The following PRKCQ variants were observed in gnomAD, a reference collection of about 807,000 sequenced individuals.
PRKCQ encodes protein kinase C theta.
PRKCQ carries 41 observed loss-of-function variants against 91.2 expected under a neutral mutation model. The observed-to-expected ratio is 0.45, with a 90% CI of 0.35 to 0.58. PRKCQ has a LOEUF of 0.58. Among genes scored for constraint, PRKCQ ranks in the 20% least tolerant of loss-of-function variants. The probability of loss-of-function intolerance (pLI) is 0.00; values close to 1 mark genes in which losing one functional copy is unlikely to be tolerated. For synonymous variants in PRKCQ, 307 were observed against 316.9 expected (o/e 0.97, Z 0.33); for missense variants, 673 against 896.5 (o/e 0.75, Z 3.18).
At chr10:6,518,478 C>T (rs1243891501) in intron 1 of PRKCQ, among the ~76,000 whole-genome samples, 1 of 152,028 alleles carries the variant, frequency 6.6e-6, no homozygotes, top group Non-Finnish European at 1.5e-5. Flanking sequence ...GAAAAATTAA[C>T]ATTTTAAGTC....
chr10:6,516,157 A>C (rs1001678086), intron 1 of PRKCQ, among the ~76,000 whole-genome samples: 1 of 152,222 alleles, frequency 6.6e-6, no homozygotes, highest in African/African-American at 2.4e-5. Context: ...AAACTATTTG[A>C]AATAATAAAG....
Position 6,465,418 on chromosome 10 carries a change from T to C in PRKCQ, c.1354-1014A>G, listed in dbSNP as rs1835597629. Among the ~76,000 whole-genome samples, 1 of 152,202 alleles carries C rather than the reference T, an allele frequency of 6.6e-6. No homozygotes were observed. The highest frequency in any genetic ancestry group is 2.4e-5 in the African/African-American group (1 of 41,434). On this transcript the variant is annotated intron_variant, in intron 12 of 17. Transcript: ENST00000263125. The surrounding 1 kb of genome is among the most constrained non-coding windows in gnomAD (Gnocchi z 4.4). ...GGTGGTCTTCAGGCTGTGGTGGGCA[T>C]ATCAGCCAGGATTGTAACCAGCCTC...
At position 6,513,086 on chromosome 10, in the gene PRKCQ, C is replaced by T. The variant is rs549648993; in HGVS notation, c.119-1892G>A. Among the ~76,000 whole-genome samples, 57 of 152,206 alleles carry T rather than the reference C, an allele frequency of 3.7e-4. No individual in the cohort carries two copies. In the South Asian group the frequency reaches 9.3e-3, roughly 25 times the overall value. ...GCAAGGCACTTTTTACATTTTCATT[C>T]GCCACGTTTGTAATCACCTAAACAG... is the stretch of plus-strand genomic sequence containing the variant. On this transcript the variant is annotated intron_variant, in intron 2 of 17. Transcript: ENST00000263125.
At chr10:6,579,127 A>G (rs1370404358) in intron 1 of PRKCQ, among the ~76,000 whole-genome samples, 2 of 152,236 alleles carry the variant, frequency 1.3e-5, no homozygotes, top group African/African-American at 4.8e-5. Context: ...GTTGACAGAA[A>G]GCATGGGCGG....
At chr10:6,512,647 C>T (rs952235608) in intron 2 of PRKCQ, among the ~76,000 whole-genome samples, 4 of 152,314 alleles carry the variant, frequency 2.6e-5, no homozygotes, top group African/African-American at 7.2e-5. Flanking sequence ...GAAAAATCTG[C>T]TTAAAGCCAG....
At chr10:6,405,179 C>T in the PRKCQ span, among the ~76,000 whole-genome samples, 4 of 152,162 alleles carry the variant, frequency 2.6e-5, no homozygotes, top group African/African-American at 9.7e-5. Context: ...GACAGGGTTT[C>T]ACCATGTTGG....
intron 1 of PRKCQ, among the ~76,000 whole-genome samples, chr10:6,523,821 G>A (rs1839105750): frequency 6.6e-6 from 1 of 152,208 alleles, no homozygotes; most frequent in Admixed American, 6.5e-5. Context: ...TGTTTGTTGA[G>A]TTAAAGCCTA....
chr10:6,419,983 C>T, the PRKCQ span, among the ~76,000 whole-genome samples: 5 of 151,710 alleles, frequency 3.3e-5, no homozygotes. Context: ...GGCAACGTGC[C>T]CAGCCGAAAT....
At chr10:6,452,336 A>G (rs1834739254) in intron 15 of PRKCQ, among the ~76,000 whole-genome samples, 1 of 152,158 alleles carries the variant, frequency 6.6e-6, no homozygotes, top group Non-Finnish European at 1.5e-5. Context: ...CTTCAAAGAG[A>G]ATAAAATACC....
chr10:6,455,244 T>C (rs991277013), intron 15 of PRKCQ, among the ~76,000 whole-genome samples: 2 of 152,230 alleles, frequency 1.3e-5, no homozygotes, highest in South Asian at 2.1e-4. Flanking sequence ...TTGGTTTCAC[T>C]TCAAATGAAA....
At chr10:6,439,993 G>C (rs114516905) in intron 16 of PRKCQ, among the ~76,000 whole-genome samples, 5,081 of 152,168 alleles carry the variant, frequency 0.033, 244 homozygotes, top group African/African-American at 0.1. Context: ...GGAGGGACTC[G>C]ATGGGAGGTG....
At chr10:6,478,009 G>C (rs1230723216) in intron 12 of PRKCQ, among the ~76,000 whole-genome samples, 3 of 152,208 alleles carry the variant, frequency 2.0e-5, no homozygotes, top group Non-Finnish European at 4.4e-5. Flanking sequence ...GCCGGGATGG[G>C]GTGGCAGAGA....
rs146149091 is a variant in PRKCQ at position 6,472,364 on chromosome 10, G to T, written c.1353+6628C>A. Among the ~76,000 whole-genome samples, 13 of 152,250 alleles carry T rather than the reference G, an allele frequency of 8.5e-5. No homozygotes were observed. In the East Asian group the frequency reaches 2.5e-3, roughly 29 times the overall value. ...GTAGGAAAGATGCGGCATTTCAGAT[G>T]CACTGAGTGAGTGTCTTGTTCTTTT... is the stretch of plus-strand genomic sequence containing the variant. On this transcript the variant is annotated intron_variant, in intron 12 of 17. Coordinates refer to ENST00000263125, the MANE Select transcript of PRKCQ (RefSeq NM_006257.5).
At chr10:6,563,115 A>G (rs1377916674) in intron 1 of PRKCQ, among the ~76,000 whole-genome samples, 2 of 152,068 alleles carry the variant, frequency 1.3e-5, no homozygotes, top group African/African-American at 4.8e-5. Context: ...ATCCCAGCGC[A>G]CAGTTTCACT....
chr10:6,516,421 C>T (rs891319978), intron 1 of PRKCQ, among the ~76,000 whole-genome samples: 4 of 152,178 alleles, frequency 2.6e-5, no homozygotes, highest in South Asian at 2.1e-4. Context: ...GTATCTGTCA[C>T]GTTGCTGAAT....
At chr10:6,447,219 C>T (rs1349527684) in intron 15 of PRKCQ, among the ~76,000 whole-genome samples, 1 of 151,994 alleles carries the variant, frequency 6.6e-6, no homozygotes, top group African/African-American at 2.4e-5. Context: ...CCATCCTGGC[C>T]AACATGGTGA....
At chr10:6,545,283 T>C (rs1304509850) in intron 1 of PRKCQ, among the ~76,000 whole-genome samples, 1 of 152,252 alleles carries the variant, frequency 6.6e-6, no homozygotes, top group Non-Finnish European at 1.5e-5. Flanking sequence ...CACTGGGCGC[T>C]GTCTGTTGCT....
chr10:6,449,747 C>T (rs1564306200), intron 15 of PRKCQ, among the ~76,000 whole-genome samples: 1 of 152,170 alleles, frequency 6.6e-6, no homozygotes, highest in Non-Finnish European at 1.5e-5. Context: ...GGCAGAAACT[C>T]TACAAGCCAG....
chr10:6,486,482 C>T (rs1044746314), intron 8 of PRKCQ, among the ~76,000 whole-genome samples: 3 of 152,182 alleles, frequency 2.0e-5, no homozygotes, highest in Non-Finnish European at 4.4e-5. Flanking sequence ...CGTTACCACC[C>T]TTTTTCCAGG....
Sources: allele counts gnomAD v4.1 joint callset (sites outside exome capture counted in the v4.1 genomes callset), GRCh38; gene constraint gnomAD v4.1.1; non-coding constraint Gnocchi (gnomAD v3.1); transcripts MANE v1.5; gene names NCBI Gene and HGNC (gene_info 2026-07-23, HGNC 2026-07-21).